The following HMCN1 variants were observed in gnomAD, a reference collection of about 807,000 sequenced individuals.
The protein encoded by HMCN1 is hemicentin 1.
HMCN1 carries 321 observed loss-of-function variants against 625.9 expected under a neutral mutation model. The ratio of observed to expected loss-of-function variants is 0.51; its 90% CI spans 0.47 to 0.56. The LOEUF is 0.56. HMCN1 is among the 20% of genes least tolerant of loss of function. HMCN1 has a pLI of 0.00. For synonymous variants in HMCN1, 2,425 were observed against 2,417.6 expected (o/e 1.00, Z -0.09); for missense variants, 6,588 against 6,887.3 (o/e 0.96, Z 1.54).
At chr1:186,113,010 G>A in intron 72 of HMCN1, 57 bp downstream of exon 72, 1 of 1,593,284 alleles carries the variant, frequency 6.3e-7, no homozygotes, top group Non-Finnish European at 8.6e-7. Context: ...GGCATTCAAA[G>A]AGATGATAGC....
At chr1:185,984,698 C>T (rs912076583) in intron 19 of HMCN1, among the ~76,000 whole-genome samples, 2 of 152,152 alleles carry the variant, frequency 1.3e-5, no homozygotes, top group African/African-American at 4.8e-5. Context: ...CTAATGACCC[C>T]TTTGTGCTTG....
chr1:185,910,316 C>T (rs892632298), intron 5 of HMCN1, among the ~76,000 whole-genome samples: 3 of 152,056 alleles, frequency 2.0e-5, no homozygotes, highest in Admixed American at 2.0e-4. Context: ...TTGAAATTTA[C>T]AAGACAAATA....
chr1:186,083,581 A>G (rs1659304590), intron 57 of HMCN1, among the ~76,000 whole-genome samples: 1 of 151,796 alleles, frequency 6.6e-6, no homozygotes, highest in Admixed American at 6.6e-5. Context: ...CCTCCAGAAT[A>G]TTAACTTGGA....
intron 4 of HMCN1, among the ~76,000 whole-genome samples, chr1:185,874,679 T>C (rs1357655042): frequency 6.6e-6 from 1 of 151,874 alleles, no homozygotes; most frequent in Non-Finnish European, 1.5e-5. Context: ...CCACATAATT[T>C]AAACAGCTTT....
Position 186,017,013 on chromosome 1 carries a change from G to A in HMCN1, c.5242G>A (p.Val1748Ile). 2 of 1,610,690 alleles carry A rather than the reference G, an allele frequency of 1.2e-6. No homozygotes were observed. The highest frequency in any genetic ancestry group is 1.7e-6 in the Non-Finnish European group (2 of 1,177,228). ...TGAAACATCTTACTTCATTGTGATGGTTAATAACTTACTGGAGCTAGATTG... is the reference window on the plus strand; with the variant it reads ...TGAAACATCTTACTTCATTGTGATGATTAATAACTTACTGGAGCTAGATTG... The part of the protein sequence containing the change: ...GDETSYFIVM[V>I]NNLLELDCHV... The change falls in exon 33 of 107, where the codon GTT becomes ATT. Residue 1748 changes from valine to isoleucine, a missense_variant. Val to Ile is a conservative substitution (Grantham distance 29). Transcript: ENST00000271588.
chr1:185,988,187 T>C (rs1652139753), intron 20 of HMCN1, among the ~76,000 whole-genome samples: 1 of 152,254 alleles, frequency 6.6e-6, no homozygotes, highest in Non-Finnish European at 1.5e-5. Context: ...ACAAATTCTA[T>C]GTATGACTAA....
intron 33 of HMCN1, 121 bp downstream of exon 33, chr1:186,017,192 C>G (rs1014878837): frequency 2.8e-6 from 2 of 706,250 alleles, no homozygotes; most frequent in East Asian, 5.4e-5. Context: ...TCTTTATATT[C>G]CTCTTTTAAA....
intron 2 of HMCN1, among the ~76,000 whole-genome samples, chr1:185,854,468 A>G (rs776441678): frequency 2.0e-4 from 30 of 152,140 alleles, no homozygotes; most frequent in Non-Finnish European, 3.4e-4. Context: ...ACCAGATGAT[A>G]CCTGGGGGAC....
chr1:185,827,444 A>G (rs1057208606), intron 1 of HMCN1, among the ~76,000 whole-genome samples: 1 of 152,146 alleles, frequency 6.6e-6, no homozygotes, highest in African/African-American at 2.4e-5. Flanking sequence ...AAAGAAATGG[A>G]CAGGAAAAAT....
chr1:185,736,839 T>A (rs1653610390), intron 1 of HMCN1, among the ~76,000 whole-genome samples: 1 of 152,232 alleles, frequency 6.6e-6, no homozygotes, highest in Non-Finnish European at 1.5e-5. Context: ...TTAGAGCTTT[T>A]CTGAATCCAG....
chr1:185,888,376 C>T (rs1288613318), intron 4 of HMCN1, among the ~76,000 whole-genome samples: 2 of 144,364 alleles, frequency 1.4e-5, no homozygotes, highest in Non-Finnish European at 1.5e-5. Flanking sequence ...GACATGAAGT[C>T]CTTGCCCATG....
intron 69 of HMCN1, among the ~76,000 whole-genome samples, chr1:186,105,300 G>T (rs1319135277): frequency 6.6e-6 from 1 of 151,908 alleles, no homozygotes; most frequent in Non-Finnish European, 1.5e-5. Context: ...GACTGATTTT[G>T]GTTACTCTGC....
rs1451443964 is a variant in HMCN1 at position 186,178,489 on chromosome 1, T to C, written c.16017T>C (p.Cys5339=). ...CCAACACCCCCGGCAGCTTCAAGTG[T>C]ATCTGTCCACCAGGACAACATTTAT... is the stretch of plus-strand genomic sequence containing the variant. ...QCSNTPGSFK[C]ICPPGQHLLG... The change falls in exon 104 of 107, where the codon TGT becomes TGC. Residue 5339 remains cysteine (C), a synonymous_variant. Coordinates refer to ENST00000271588, the MANE Select transcript of HMCN1 (RefSeq NM_031935.3). The C allele has an allele frequency of 6.2e-7, 1 of 1,614,116 alleles. No homozygotes were observed.
chr1:185,888,264 TTCAC>T (rs1223367185), intron 4 of HMCN1, among the ~76,000 whole-genome samples: 1 of 123,576 alleles, frequency 8.1e-6, no homozygotes, highest in Non-Finnish European at 1.6e-5. Flanking sequence ...AGGTTGCCTG[TTCAC>T]TCTGATGGTA....
chr1:186,044,928 A>G (rs1287864584), intron 40 of HMCN1, among the ~76,000 whole-genome samples: 2 of 152,100 alleles, frequency 1.3e-5, no homozygotes. Flanking sequence ...AGGGAAAGAG[A>G]TTCCTTAAAC....
intron 2 of HMCN1, among the ~76,000 whole-genome samples, chr1:185,863,579 C>A (rs893415105): frequency 1.9e-4 from 29 of 152,062 alleles, no homozygotes; most frequent in African/African-American, 6.5e-4. Context: ...GACATGGAAA[C>A]AAACAGGATA....
At chr1:185,913,537 C>T (rs906912191) in intron 6 of HMCN1, among the ~76,000 whole-genome samples, 2 of 152,108 alleles carry the variant, frequency 1.3e-5, no homozygotes, top group Non-Finnish European at 2.9e-5. Flanking sequence ...AGCAAGTCCA[C>T]TGGAGTAATT....
rs534607739 is a variant in HMCN1 at position 185,799,773 on chromosome 1, G to A, written c.269-46253G>A. 1.4e-4 allele frequency among the ~76,000 whole-genome samples: 22 copies of A among 152,252 alleles called. 1 individual carries two copies. In the South Asian group the frequency reaches 4.6e-3, roughly 32 times the overall value. Reference sequence around the variant, plus strand: ...TGTGCAGGTGACCTCCTGGCCAGTAGGTGGCTCTTGCAAGAGAGACAGCTG... The same window carrying A: ...TGTGCAGGTGACCTCCTGGCCAGTAAGTGGCTCTTGCAAGAGAGACAGCTG... On this transcript the variant is annotated intron_variant, in intron 1 of 106. Coordinates refer to ENST00000271588, the MANE Select transcript of HMCN1 (RefSeq NM_031935.3).
chr1:186,149,612 C>G (rs1050764226), intron 93 of HMCN1, among the ~76,000 whole-genome samples: 1 of 152,190 alleles, frequency 6.6e-6, no homozygotes, highest in East Asian at 1.9e-4. Flanking sequence ...AGACTTCTCC[C>G]TTTGCATTCA....
Sources: allele counts gnomAD v4.1 joint callset (sites outside exome capture counted in the v4.1 genomes callset), GRCh38; gene constraint gnomAD v4.1.1; transcripts MANE v1.5; gene names NCBI Gene and HGNC (gene_info 2026-07-23, HGNC 2026-07-21).